Variants in AGBL4 observed in about 807,000 individuals in gnomAD.
The protein encoded by AGBL4 is cytosolic carboxypeptidase 6.
AGBL4 carries 58 observed loss-of-function variants against 66.4 expected under a neutral mutation model. That is an observed-to-expected ratio of 0.87 (90% CI 0.71 to 1.09). The LOEUF (loss-of-function observed/expected upper bound fraction) is 1.09. AGBL4 is among the 50% of genes least tolerant of loss of function. The probability of loss-of-function intolerance (pLI) is 0.00; values close to 1 mark genes in which losing one functional copy is unlikely to be tolerated. For missense variants in AGBL4, 579 were observed against 631.0 expected, an observed-to-expected ratio of 0.92 and a Z score of 0.88; for synonymous variants, 234 against 222.9, an observed-to-expected ratio of 1.05 and a Z score of -0.44.
At chr1:49,251,454 C>T (rs1652053697) in intron 3 of AGBL4, among the ~76,000 whole-genome samples, 2 of 152,114 alleles carry the variant, frequency 1.3e-5, no homozygotes, top group South Asian at 4.1e-4. Context: ...TGCAGTAACA[C>T]TGCTCAGAGC....
At chr1:48,984,530 A>G (rs1247618529) in intron 5 of AGBL4, among the ~76,000 whole-genome samples, 1 of 147,844 alleles carries the variant, frequency 6.8e-6, no homozygotes, top group Non-Finnish European at 1.5e-5. Context: ...CACAGTGCAC[A>G]CTAGGTTTTC....
chr1:49,381,319 T>C (rs1570575777), intron 3 of AGBL4, among the ~76,000 whole-genome samples: 1 of 152,178 alleles, frequency 6.6e-6, no homozygotes, highest in Admixed American at 6.5e-5. Flanking sequence ...CCAGTTAGAA[T>C]GGCGATCACT....
chr1:49,709,543 G>C (rs1200596440), intron 2 of AGBL4, among the ~76,000 whole-genome samples: 1 of 152,062 alleles, frequency 6.6e-6, no homozygotes, highest in Non-Finnish European at 1.5e-5. Flanking sequence ...CAAAAGCAAT[G>C]GCAACAAAAG....
At chr1:48,917,487 C>T (rs1037687507) in intron 5 of AGBL4, among the ~76,000 whole-genome samples, 3 of 152,128 alleles carry the variant, frequency 2.0e-5, no homozygotes, top group African/African-American at 7.2e-5. Flanking sequence ...AGCAGCTGTA[C>T]TATCCCAGAT....
intron 3 of AGBL4, among the ~76,000 whole-genome samples, chr1:49,294,068 T>G (rs949056459): frequency 1.2e-4 from 19 of 152,190 alleles, no homozygotes; most frequent in Non-Finnish European, 2.6e-4. Flanking sequence ...GACACACAAT[T>G]TATGAAGTAC....
chr1:48,925,580 A>ACAT (rs1431818383), intron 5 of AGBL4, among the ~76,000 whole-genome samples: 1 of 152,144 alleles, frequency 6.6e-6, no homozygotes, highest in Non-Finnish European at 1.5e-5. Context: ...GGCCCAAGAC[A>ACAT]ATTATTCTTC....
intron 3 of AGBL4, among the ~76,000 whole-genome samples, chr1:49,488,971 C>T (rs1349264316): frequency 5.3e-5 from 8 of 151,650 alleles, no homozygotes; most frequent in Admixed American, 3.9e-4. Flanking sequence ...ATCTTGGCTG[C>T]GTGAATAGTG....
At chr1:49,381,639 A>T (rs1438454651) in intron 3 of AGBL4, among the ~76,000 whole-genome samples, 1 of 152,148 alleles carries the variant, frequency 6.6e-6, no homozygotes, top group Non-Finnish European at 1.5e-5. Flanking sequence ...AATGTGGCAC[A>T]TATACACCAT....
At chr1:49,736,592 T>C (rs968936680) in intron 2 of AGBL4, among the ~76,000 whole-genome samples, 1 of 152,066 alleles carries the variant, frequency 6.6e-6, no homozygotes, top group African/African-American at 2.4e-5. Context: ...AAAAGTAGTG[T>C]CGACATCAAC....
At chr1:48,846,413 G>T (rs12118225) in intron 6 of AGBL4, among the ~76,000 whole-genome samples, 417 of 145,090 alleles carry the variant, frequency 2.9e-3, no homozygotes, top group South Asian at 4.6e-3. Flanking sequence ...AAGAAAGAAA[G>T]AAAGAAAGAA....
chr1:48,971,304 C>T lies in AGBL4; in HGVS notation c.594+74280G>A, dbSNP rs571835719. Among the ~76,000 whole-genome samples the T allele has an allele frequency of 1.3e-4, 20 of 152,146 alleles. No homozygotes were observed. The South Asian group carries it at 3.9e-3, about 30-fold the overall frequency. Reference sequence around the variant, plus strand: ...GCAAATGAGGGATCTGGGTTGTGTGCTCGTTATGAGAATCCAATGCCTGAT... The same window carrying T: ...GCAAATGAGGGATCTGGGTTGTGTGTTCGTTATGAGAATCCAATGCCTGAT... On this transcript the variant is annotated intron_variant, in intron 5 of 13. Transcript: ENST00000371839.
chr1:48,805,824 C>A (rs1645910947), intron 6 of AGBL4, among the ~76,000 whole-genome samples: 2 of 152,222 alleles, frequency 1.3e-5, no homozygotes, highest in East Asian at 1.9e-4. Context: ...GTGAACAGGA[C>A]AAGATGAGAT....
At position 48,533,285 on chromosome 1, in the gene AGBL4, G is replaced by C. The variant is rs928659210; in HGVS notation, c.*888C>G. The C allele has an allele frequency of 2.6e-5, 4 of 152,146 alleles. No individual in the cohort carries two copies. The highest frequency in any genetic ancestry group is 2.6e-4 in the Admixed American group (4 of 15,268). The allele number at this position is 152,146 out of a possible 1,614,324, so 9.4% of individuals were successfully genotyped here. A position where few individuals can be genotyped will look rare whatever the true frequency, so the allele number is the denominator to read the frequency against. On this transcript the variant is annotated 3_prime_UTR_variant, in exon 14 of 14. Transcript: ENST00000371839. ...CTCTTCACAAAAATGCCAATATTTAGCTTGCCACACCTTGGGAATTGCTAC... is the reference window on the plus strand; with the variant it reads ...CTCTTCACAAAAATGCCAATATTTACCTTGCCACACCTTGGGAATTGCTAC...
At chr1:48,859,302 C>G (rs570721290) in intron 6 of AGBL4, among the ~76,000 whole-genome samples, 33 of 152,294 alleles carry the variant, frequency 2.2e-4, no homozygotes, top group Non-Finnish European at 3.8e-4. Flanking sequence ...TTGAGCAGAT[C>G]AGAAGTGTCA....
intron 3 of AGBL4, among the ~76,000 whole-genome samples, chr1:49,609,100 G>A (rs1009689113): frequency 5.9e-5 from 9 of 152,112 alleles, no homozygotes; most frequent in African/African-American, 2.2e-4. Context: ...AAGTGTTTCT[G>A]TATTGCCTAA....
chr1:48,718,881 G>A (rs772243904), intron 6 of AGBL4, among the ~76,000 whole-genome samples: 9 of 152,192 alleles, frequency 5.9e-5, no homozygotes, highest in Non-Finnish European at 1.2e-4. Flanking sequence ...CTATCACTCT[G>A]ATGGGAGGGC....
At chr1:49,410,311 C>T (rs868494617) in intron 3 of AGBL4, among the ~76,000 whole-genome samples, 1 of 152,144 alleles carries the variant, frequency 6.6e-6, no homozygotes, top group Non-Finnish European at 1.5e-5. Context: ...AGACAATATG[C>T]TCCTAACTTT....
At chr1:48,901,110 A>C (rs1409228798) in intron 5 of AGBL4, among the ~76,000 whole-genome samples, 1 of 152,218 alleles carries the variant, frequency 6.6e-6, no homozygotes, top group South Asian at 2.1e-4. Flanking sequence ...GTAAATAAGC[A>C]CATAAGAAAG....
At chr1:49,760,841 A>G (rs1652252780) in intron 2 of AGBL4, among the ~76,000 whole-genome samples, 1 of 152,238 alleles carries the variant, frequency 6.6e-6, no homozygotes, top group Admixed American at 6.5e-5. Flanking sequence ...CTATGCAACC[A>G]TAAAAAGGAT....
Sources: gnomAD v4.1 joint callset for allele counts (sites outside exome capture counted in the v4.1 genomes callset) on GRCh38, gnomAD v4.1.1 for gene constraint, MANE v1.5 for transcripts, NCBI Gene and HGNC (gene_info 2026-07-23, HGNC 2026-07-21) for gene names.